Variants in GMPS observed in about 807,000 individuals in gnomAD.
The protein encoded by GMPS is GMP synthase [glutamine-hydrolyzing].
Under a neutral mutation model 77.9 loss-of-function variants are expected in GMPS, and 15 were observed. The ratio of observed to expected loss-of-function variants is 0.19; its 90% CI spans 0.13 to 0.30. The LOEUF is 0.30. GMPS is among the 10% of genes least tolerant of loss of function. The pLI is 1.00. For synonymous variants in GMPS, 224 were observed against 275.9 expected (o/e 0.81, Z 1.86); for missense variants, 590 against 838.8 (o/e 0.70, Z 3.66).
At chr3:155,888,208 CT>C (rs34327298) in intron 1 of GMPS, among the ~76,000 whole-genome samples, 86,202 of 134,704 alleles carry the variant, frequency 0.64, 27,047 homozygotes, top group Middle Eastern at 0.7. Context: ...TACCCAAAGG[CT>C]TTTTTTTTTT....
chr3:155,877,321 A>T lies in GMPS; in HGVS notation c.27+6424A>T, dbSNP rs182665993. Among the ~76,000 whole-genome samples, 4 of 152,294 alleles carry T rather than the reference A, an allele frequency of 2.6e-5. No homozygotes were observed. The East Asian group carries it at 7.7e-4, about 29-fold the overall frequency. On this transcript the variant is annotated intron_variant, in intron 1 of 15. Coordinates refer to ENST00000496455, the MANE Select transcript of GMPS (RefSeq NM_003875.3). ...AATTTTAGTCAACATCCATGTCCTC[A>T]ATCTGGATTCTACCATTTACTTTTC...
chr3:155,896,729 ATTTTT>A (rs1020255894), intron 2 of GMPS, among the ~76,000 whole-genome samples: 7 of 92,056 alleles, frequency 7.6e-5, no homozygotes, highest in Non-Finnish European at 1.6e-4. Context: ...CCTTACTGAG[ATTTTT>A]TTTTTTTTTT....
At chr3:155,917,134 C>T (rs186832326) in intron 9 of GMPS, among the ~76,000 whole-genome samples, 9 of 152,080 alleles carry the variant, frequency 5.9e-5, no homozygotes, top group Non-Finnish European at 1.0e-4. Context: ...CCACGAGGCC[C>T]GGCTAATTTT....
chr3:155,893,451 T>G, intron 1 of GMPS, 67 bp from the exon 2 acceptor site: 6 of 984,792 alleles, frequency 6.1e-6, no homozygotes, highest in South Asian at 4.1e-5. Context: ...TGATCATTAA[T>G]TTTTTTTTAA....
chr3:155,893,238 C>A (rs1754516854), intron 1 of GMPS, among the ~76,000 whole-genome samples: 1 of 152,084 alleles, frequency 6.6e-6, no homozygotes, highest in Non-Finnish European at 1.5e-5. Flanking sequence ...GCTCATCCTA[C>A]CATTAGATCA....
chr3:155,913,385 A>T (rs1211009822), intron 7 of GMPS, among the ~76,000 whole-genome samples: 1 of 152,198 alleles, frequency 6.6e-6, no homozygotes, highest in Non-Finnish European at 1.5e-5. Flanking sequence ...GTTTTACAAG[A>T]CACTAGGGTG....
At chr3:155,898,893 T>C (rs926139398) in intron 3 of GMPS, among the ~76,000 whole-genome samples, 1 of 152,150 alleles carries the variant, frequency 6.6e-6, no homozygotes, top group Non-Finnish European at 1.5e-5. Flanking sequence ...GGTGTCTCCA[T>C]TGTAACATTA....
At chr3:155,905,775 T>C (rs1329106976) in intron 4 of GMPS, among the ~76,000 whole-genome samples, 1 of 152,200 alleles carries the variant, frequency 6.6e-6, no homozygotes, top group African/African-American at 2.4e-5. Context: ...TATTACTACT[T>C]ACATAAGACT....
intron 7 of GMPS, among the ~76,000 whole-genome samples, chr3:155,912,300 C>T (rs1755061467): frequency 6.6e-6 from 1 of 152,090 alleles, no homozygotes; most frequent in Admixed American, 6.5e-5. Flanking sequence ...TGACAGAAGA[C>T]AGATGGTTTC....
chr3:155,905,907 C>T (rs1196851059), intron 4 of GMPS, among the ~76,000 whole-genome samples: 2 of 152,090 alleles, frequency 1.3e-5, no homozygotes, highest in East Asian at 3.8e-4. Context: ...TCTGGTTATA[C>T]TACCAACTTC....
intron 11 of GMPS, among the ~76,000 whole-genome samples, chr3:155,923,256 A>G (rs1206173300): frequency 6.6e-6 from 1 of 152,178 alleles, no homozygotes; most frequent in Non-Finnish European, 1.5e-5. Flanking sequence ...TTAATGAACT[A>G]AAAGAAAGTT....
In GMPS at chr3:155,906,242, C is replaced by T. The variant is rs746381540; in HGVS notation, c.505C>T (p.Arg169Cys). 7 of 1,608,316 alleles carry T rather than the reference C, an allele frequency of 4.4e-6. No individual in the cohort carries two copies. The highest frequency in any genetic ancestry group is 2.2e-5 in the East Asian group (1 of 44,724). Residue 169 changes from arginine to cysteine, a missense_variant, in exon 5 of 16, where the codon CGT becomes TGT. Arg to Cys is a radical substitution (Grantham distance 180, BLOSUM62 -3). Coordinates refer to ENST00000496455, the MANE Select transcript of GMPS (RefSeq NM_003875.3). ...KVADGFKVVA[R>C]SGNIVAGIAN... ...AGCTGATGGATTCAAGGTTGTGGCA[C>T]GTTCTGGAAACATAGTAGCAGGTGA...
intron 13 of GMPS, among the ~76,000 whole-genome samples, chr3:155,933,942 T>C (rs1334645390): frequency 6.6e-6 from 1 of 152,242 alleles, no homozygotes; most frequent in Non-Finnish European, 1.5e-5. Flanking sequence ...TGGTGTATCT[T>C]CATGTCTTTC....
At chr3:155,899,861 G>C (rs1281445596) in intron 3 of GMPS, among the ~76,000 whole-genome samples, 1 of 152,154 alleles carries the variant, frequency 6.6e-6, no homozygotes, top group African/African-American at 2.4e-5. Context: ...AGCCTTTTCA[G>C]ATTGGCTTCT....
intron 3 of GMPS, among the ~76,000 whole-genome samples, chr3:155,900,084 A>G (rs540205433): frequency 1.3e-5 from 2 of 152,292 alleles, no homozygotes; most frequent in Admixed American, 1.3e-4. Context: ...ATCCATGTAC[A>G]GGTTTTTGTG....
chr3:155,913,512 A>C (rs1208677771), intron 7 of GMPS, among the ~76,000 whole-genome samples: 2 of 136,012 alleles, frequency 1.5e-5, no homozygotes, highest in Non-Finnish European at 3.2e-5. Flanking sequence ...GAGGGAAAAC[A>C]ATCAGCATAA....
At chr3:155,890,685 G>C (rs987401038) in intron 1 of GMPS, among the ~76,000 whole-genome samples, 14 of 152,166 alleles carry the variant, frequency 9.2e-5, no homozygotes, top group African/African-American at 3.4e-4. Flanking sequence ...TTAATGTGAA[G>C]TATTTTCCTG....
At position 155,941,590 on chromosome 3, in the gene GMPS, C is replaced by T. The variant is rs891645867; in HGVS notation, c.*3898C>T. ...CCACACTACTCCCCTCCAGAAATCT[C>T]ATTGATATGTGGCGAGGACACGCCT... is the stretch of plus-strand genomic sequence containing the variant. On this transcript the variant is annotated 3_prime_UTR_variant, in exon 16 of 16. Coordinates refer to ENST00000496455, the MANE Select transcript of GMPS (RefSeq NM_003875.3). 3 of 221,278 alleles carry T rather than the reference C, an allele frequency of 1.4e-5. No individual in the cohort carries two copies. The highest frequency in any genetic ancestry group is 2.7e-5 in the Non-Finnish European group (3 of 110,572). The allele number at this position is 221,278 out of a possible 1,614,324, so 13.7% of individuals were successfully genotyped here.
intron 12 of GMPS, among the ~76,000 whole-genome samples, chr3:155,930,490 A>C (rs545508733): frequency 6.6e-6 from 1 of 151,062 alleles, no homozygotes; most frequent in African/African-American, 2.4e-5. Flanking sequence ...CAATGGCAAC[A>C]AAAGCCAAAA....
Sources: allele counts gnomAD v4.1 joint callset (sites outside exome capture counted in the v4.1 genomes callset), GRCh38; gene constraint gnomAD v4.1.1; transcripts MANE v1.5; gene names NCBI Gene and HGNC (gene_info 2026-07-23, HGNC 2026-07-21).